Variants in NFAT5 observed in about 807,000 individuals in gnomAD.
The protein encoded by NFAT5 is nuclear factor of activated T-cells 5.
In NFAT5, 31 loss-of-function variants were observed where a neutral mutation model predicts 166.5. The observed-to-expected ratio is 0.19, with a 90% confidence interval of 0.14 to 0.25. The LOEUF is 0.25. Ranked by LOEUF, NFAT5 falls within the 10% of genes least tolerant of loss-of-function variation. The pLI, the probability that NFAT5 is intolerant of heterozygous loss-of-function variation, is 1.00. For missense variants in NFAT5, 1,449 were observed against 1,821.8 expected (o/e 0.80, Z 3.72); for synonymous variants, 612 against 639.7 (o/e 0.96, Z 0.65).
chr16:69,659,310 C>T (rs1597488217), intron 6 of NFAT5, among the ~76,000 whole-genome samples: 1 of 151,388 alleles, frequency 6.6e-6, no homozygotes, highest in East Asian at 1.9e-4. Context: ...GGCATGGTGG[C>T]GGCCACCTGT....
rs930910867 is a variant in NFAT5, at chr16:69,699,984, T to C, written c.*3633T>C. 1 of 152,198 alleles carries C rather than the reference T, an allele frequency of 6.6e-6. No individual in the cohort carries two copies. Among genetic ancestry groups the C allele is most frequent in the African/African-American group, 2.4e-5 (1 of 41,446 alleles). 9.4% of individuals were successfully genotyped at this position (152,198 alleles called of 1,614,324 possible). A position where few individuals can be genotyped will look rare whatever the true frequency, so the allele number is the denominator to read the frequency against. On this transcript the variant is annotated 3_prime_UTR_variant, in exon 15 of 15. Coordinates refer to ENST00000349945, the MANE Select transcript of NFAT5 (RefSeq NM_138713.4). Reference sequence around the variant, plus strand: ...TGTTACCTTTATGATTAAAGTATCATGTTATTTAGCCAATGCAAATCTGTT... The same window carrying C: ...TGTTACCTTTATGATTAAAGTATCACGTTATTTAGCCAATGCAAATCTGTT...
intron 6 of NFAT5, among the ~76,000 whole-genome samples, chr16:69,656,833 T>A (rs2035901932): frequency 6.6e-6 from 1 of 152,256 alleles, no homozygotes; most frequent in South Asian, 2.1e-4. Flanking sequence ...ATTCACCGTC[T>A]GTTGTTATTT....
At chr16:69,694,398 G>A (rs947399876) in intron 13 of NFAT5, among the ~76,000 whole-genome samples, 159 bp downstream of exon 13, 11 of 152,134 alleles carry the variant, frequency 7.2e-5, no homozygotes, top group African/African-American at 1.7e-4. Context: ...GGGATTACAG[G>A]TGTGCACAAC....
intron 2 of NFAT5, among the ~76,000 whole-genome samples, chr16:69,586,444 C>A (rs2032070449): frequency 6.6e-6 from 1 of 151,984 alleles, no homozygotes. Flanking sequence ...ACTCTGTCAC[C>A]CAGGCTGGAA....
Position 69,692,677 on chromosome 16 carries a change from A to G in NFAT5, c.2852A>G (p.Gln951Arg). The G allele has an allele frequency of 6.2e-7, 1 of 1,614,256 alleles. No individual in the cohort carries two copies. Among genetic ancestry groups the G allele is most frequent in the Non-Finnish European group, 8.5e-7 (1 of 1,180,048 alleles). Residue 951 changes from glutamine to arginine, a missense_variant, in exon 13 of 15, where the codon CAG (glutamine) becomes CGG (arginine). Transcript: ENST00000349945. ...AACCTTCAGCAATCGCCAGTTTACC[A>G]GCAGACTTCTCACATGATGAGTGCA... ...NGNLQQSPVY[Q>R]QTSHMMSALS...
intron 2 of NFAT5, among the ~76,000 whole-genome samples, chr16:69,623,933 A>G (rs2034322590): frequency 6.7e-6 from 1 of 149,740 alleles, no homozygotes; most frequent in Admixed American, 6.7e-5. Context: ...ATGTGATGGA[A>G]AAAAACAGGG....
At chr16:69,582,662 G>C (rs1363871098) in intron 2 of NFAT5, among the ~76,000 whole-genome samples, 4 of 149,756 alleles carry the variant, frequency 2.7e-5, no homozygotes, top group African/African-American at 9.9e-5. Flanking sequence ...AAAATTAATT[G>C]GGCATAGATG....
chr16:69,648,586 C>G, intron 4 of NFAT5: 1 of 984,480 alleles, frequency 1.0e-6, no homozygotes, highest in Non-Finnish European at 1.2e-6. Context: ...AGTTCAATAG[C>G]TATGTTACAG....
chr16:69,680,815 A>G (rs1258549639), intron 10 of NFAT5, among the ~76,000 whole-genome samples: 2 of 152,076 alleles, frequency 1.3e-5, no homozygotes, highest in Non-Finnish European at 2.9e-5. Flanking sequence ...GCTGGAGTAC[A>G]GTGGCGTGAT....
rs1285683451 is a variant in NFAT5 at position 69,647,093 on chromosome 16, A to G, written c.319A>G (p.Ser107Gly). 1 of 1,612,304 alleles carries G rather than the reference A, an allele frequency of 6.2e-7. No individual in the cohort carries two copies. The highest frequency in any genetic ancestry group is 2.2e-5 in the East Asian group (1 of 44,842). ...GACSSFTTSS[S>G]PTIYSTSVTD... ...TTGCAGCTCCTTTACCACCTCTTCC[A>G]GCCCTACCATTTATTCTACCTCAGT... Residue 107 changes from serine (S) to glycine (G), a missense_variant, in exon 4 of 15, where the codon AGC (serine) becomes GGC (glycine). Physicochemically the swap from Ser to Gly is moderately conservative, Grantham distance 56. This residue lies in a region of NFAT5 where 172 missense variants were observed against 194.5 expected (regional missense o/e 0.88). Transcript: ENST00000349945. The surrounding 1 kb of genome is among the most constrained non-coding windows in gnomAD (Gnocchi z 4.8).
At chr16:69,694,751 A>G (rs76568709) in intron 13 of NFAT5, among the ~76,000 whole-genome samples, 5,745 of 152,362 alleles carry the variant, frequency 0.038, 145 homozygotes, top group Non-Finnish European at 0.052. Flanking sequence ...ATTTTAAGCT[A>G]TAAACTTAAA....
chr16:69,588,872 T>C (rs532563721), intron 2 of NFAT5, among the ~76,000 whole-genome samples: 9 of 151,692 alleles, frequency 5.9e-5, no homozygotes, highest in African/African-American at 1.9e-4. Context: ...GAAAAGACCA[T>C]GTAGAATGAT....
chr16:69,674,039 T>A (rs2036731322), intron 9 of NFAT5, among the ~76,000 whole-genome samples: 1 of 151,998 alleles, frequency 6.6e-6, no homozygotes, highest in Admixed American at 6.6e-5. Context: ...GGTCAGGAGT[T>A]CGCGACCAGC....
chr16:69,605,959 C>T (rs1329982548), intron 2 of NFAT5, among the ~76,000 whole-genome samples: 11 of 152,188 alleles, frequency 7.2e-5, no homozygotes, highest in East Asian at 1.9e-4. Flanking sequence ...ATGATCCACC[C>T]GCCTCGGCCT....
At chr16:69,578,979 A>ATTCT (rs2031487882) in intron 2 of NFAT5, among the ~76,000 whole-genome samples, 1 of 151,052 alleles carries the variant, frequency 6.6e-6, no homozygotes, top group Admixed American at 6.6e-5. Flanking sequence ...GGCTCAAGTG[A>ATTCT]TTCTCCTGCT....
At chr16:69,649,270 C>T in intron 4 of NFAT5, 5 of 954,798 alleles carry the variant, frequency 5.2e-6, no homozygotes, top group Non-Finnish European at 6.2e-6. Flanking sequence ...TGGAGAAAGT[C>T]TTTAATATAA....
At chr16:69,633,231 G>A (rs1389351534) in intron 3 of NFAT5, among the ~76,000 whole-genome samples, 1 of 152,008 alleles carries the variant, frequency 6.6e-6, no homozygotes, top group Non-Finnish European at 1.5e-5. Flanking sequence ...TAATAAATAA[G>A]CATATTTTTA....
chr16:69,692,057 T>G lies in NFAT5; in HGVS notation c.2232T>G (p.Gly744=). 6.2e-7 allele frequency: 1 copy of G among 1,614,164 alleles called. No individual in the cohort carries two copies. The highest frequency in any genetic ancestry group is 1.3e-5 in the African/African-American group (1 of 75,056). Residue 744 remains glycine, a synonymous_variant, in exon 13 of 15, where the codon GGT becomes GGG. Coordinates refer to ENST00000349945, the MANE Select transcript of NFAT5 (RefSeq NM_138713.4). ...TQSREILQSD[G]TVVNLSQLTE... ...CTAGAGAGATATTACAGTCAGATGGTACAGTGGTTAATTTGTCACAACTGA... is the reference window on the plus strand; with the variant it reads ...CTAGAGAGATATTACAGTCAGATGGGACAGTGGTTAATTTGTCACAACTGA...
At chr16:69,617,332 G>GT (rs2034000121) in intron 2 of NFAT5, among the ~76,000 whole-genome samples, 1 of 152,038 alleles carries the variant, frequency 6.6e-6, no homozygotes, top group African/African-American at 2.4e-5. Context: ...AGTGGTGTAT[G>GT]GATTCTTGAT....
Sources: allele counts gnomAD v4.1 joint callset (sites outside exome capture counted in the v4.1 genomes callset), GRCh38; gene constraint gnomAD v4.1.1; regional missense constraint gnomAD v4.1.1; non-coding constraint Gnocchi (gnomAD v3.1); transcripts MANE v1.5; gene names NCBI Gene and HGNC (gene_info 2026-07-23, HGNC 2026-07-21).